PC: variants seen among roughly 807,000 people sequenced by gnomAD.
The protein encoded by PC is pyruvate carboxylase, also known as pyruvate carboxylase, mitochondrial.
In PC, 46 loss-of-function variants were observed where a neutral mutation model predicts 107.8. The observed-to-expected ratio is 0.43, with a 90% CI of 0.34 to 0.55. The LOEUF (loss-of-function observed/expected upper bound fraction) is 0.55. PC is among the 20% of genes least tolerant of loss of function. The probability of loss-of-function intolerance (pLI) is 0.04; values close to 1 mark genes in which losing one functional copy is unlikely to be tolerated. For synonymous variants in PC, 662 were observed against 684.7 expected, an observed-to-expected ratio of 0.97 and a Z score of 0.52; for missense variants, 1,241 against 1,643.1, an observed-to-expected ratio of 0.76 and a Z score of 4.23.
At chr11:66,948,610 C>A (rs1036423985) in intron 3 of PC, among the ~76,000 whole-genome samples, 6 of 152,272 alleles carry the variant, frequency 3.9e-5, no homozygotes, top group African/African-American at 1.4e-4. Flanking sequence ...GAGGCCAAGG[C>A]GGGCTGATTG....
intron 9 of PC, among the ~76,000 whole-genome samples, chr11:66,869,699 G>C (rs986840783): frequency 6.6e-6 from 1 of 152,172 alleles, no homozygotes; most frequent in African/African-American, 2.4e-5. Flanking sequence ...TATAGGCCAG[G>C]GAAGAAGAGG....
chr11:66,876,598 G>A (rs765726517), intron 3 of PC, among the ~76,000 whole-genome samples: 7 of 152,202 alleles, frequency 4.6e-5, no homozygotes, highest in Admixed American at 1.3e-4. Context: ...CAGGATGAAC[G>A]TCAGACGTTA....
At chr11:66,940,422 T>C (rs897853343) in intron 3 of PC, among the ~76,000 whole-genome samples, 1 of 152,086 alleles carries the variant, frequency 6.6e-6, no homozygotes, top group African/African-American at 2.4e-5. Context: ...GTGCAGTGGC[T>C]CATGTCTGTA....
chr11:66,941,514 CAG>C (rs1266493366), intron 3 of PC, among the ~76,000 whole-genome samples: 2 of 151,870 alleles, frequency 1.3e-5, no homozygotes, highest in African/African-American at 2.4e-5. Context: ...TTTTTTGAGG[CAG>C]AGTCTTGCTC....
At chr11:66,938,910 T>G (rs1220183069) in intron 3 of PC, among the ~76,000 whole-genome samples, 2 of 152,372 alleles carry the variant, frequency 1.3e-5, no homozygotes, top group East Asian at 3.9e-4. Flanking sequence ...TTTGCACGCC[T>G]GTCCCATGAT....
intron 3 of PC, among the ~76,000 whole-genome samples, chr11:66,912,744 A>G (rs1948365465): frequency 6.6e-6 from 1 of 152,168 alleles, no homozygotes; most frequent in Non-Finnish European, 1.5e-5. Flanking sequence ...TGGTTGGGGA[A>G]GGAGGGCAAG....
chr11:66,884,674 C>A (rs530561728), intron 3 of PC, among the ~76,000 whole-genome samples: 2 of 152,304 alleles, frequency 1.3e-5, no homozygotes, highest in South Asian at 4.1e-4. Context: ...TATGTTGAAA[C>A]CTTGATCTTG....
chr11:66,938,038 T>C (rs920247571), intron 3 of PC, among the ~76,000 whole-genome samples: 2 of 152,056 alleles, frequency 1.3e-5, no homozygotes, highest in East Asian at 3.9e-4. Flanking sequence ...GGCCTCCCTC[T>C]ATTTGGTGAG....
intron 3 of PC, among the ~76,000 whole-genome samples, chr11:66,928,159 G>A (rs1165598148): frequency 6.6e-6 from 1 of 152,020 alleles, no homozygotes; most frequent in Non-Finnish European, 1.5e-5. Context: ...GCCTAAGGCG[G>A]GCGGATCACA....
At chr11:66,888,301 G>C (rs1482119750) in intron 3 of PC, among the ~76,000 whole-genome samples, 1 of 152,224 alleles carries the variant, frequency 6.6e-6, no homozygotes, top group Non-Finnish European at 1.5e-5. Flanking sequence ...TCCCAAGCTG[G>C]AGTCCTCTAT....
At chr11:66,920,776 G>A (rs970310134) in intron 3 of PC, among the ~76,000 whole-genome samples, 6 of 151,848 alleles carry the variant, frequency 4.0e-5, no homozygotes, top group African/African-American at 1.5e-4. Context: ...TGGGCGTGGT[G>A]GCTCACGCCT....
chr11:66,898,378 C>A (rs949151937), intron 3 of PC, among the ~76,000 whole-genome samples: 4 of 152,174 alleles, frequency 2.6e-5, no homozygotes, highest in Non-Finnish European at 5.9e-5. Context: ...ATAGATGAGA[C>A]ACATAAAGTG....
chr11:66,951,266 G>A (rs1949429330), intron 3 of PC, among the ~76,000 whole-genome samples: 1 of 152,238 alleles, frequency 6.6e-6, no homozygotes. Flanking sequence ...CGGGCCTGAA[G>A]GGAAGAGCAT....
At chr11:66,953,754 CT>C (rs1176677675) in intron 2 of PC, among the ~76,000 whole-genome samples, 1 of 152,130 alleles carries the variant, frequency 6.6e-6, no homozygotes, top group Non-Finnish European at 1.5e-5. Context: ...TTGTTAGGGG[CT>C]GGTTAAAAGA....
chr11:66,881,556 G>A (rs1379909144), intron 3 of PC, among the ~76,000 whole-genome samples: 3 of 152,226 alleles, frequency 2.0e-5, no homozygotes, highest in Non-Finnish European at 4.4e-5. Flanking sequence ...CACCTGCCCC[G>A]CTCCTGACAG....
In PC at chr11:66,852,746, C is replaced by T. The variant is rs1175893622; in HGVS notation, c.1603+1G>A. The T allele has an allele frequency of 6.2e-7, 1 of 1,609,966 alleles. No individual in the cohort carries two copies. The highest frequency in any genetic ancestry group is 1.7e-5 in the Admixed American group (1 of 59,808). ...GAGTTGACAGAATGGATCTCACCTA[C>T]CTATGGGCACTGCAGGGACAACGGG... On this transcript the variant is annotated splice_donor_variant, in intron 14 of 22. Coordinates refer to ENST00000393960, the MANE Select transcript of PC (RefSeq NM_001040716.2). LOFTEE classifies it high-confidence loss of function. The surrounding 1 kb of genome is among the most constrained non-coding windows in gnomAD (Gnocchi z 4.7).
At chr11:66,906,747 G>A (rs946666696) in intron 3 of PC, among the ~76,000 whole-genome samples, 2 of 152,080 alleles carry the variant, frequency 1.3e-5, no homozygotes, top group African/African-American at 2.4e-5. Context: ...AAGAACAAGA[G>A]GCCATTTGGA....
chr11:66,892,465 A>G (rs1947612670), intron 3 of PC, among the ~76,000 whole-genome samples: 1 of 152,218 alleles, frequency 6.6e-6, no homozygotes, highest in African/African-American at 2.4e-5. Flanking sequence ...AAGACTTCCT[A>G]CTGACATCCA....
At chr11:66,856,062 G>C (rs1339165099) in intron 12 of PC, among the ~76,000 whole-genome samples, 1 of 152,240 alleles carries the variant, frequency 6.6e-6, no homozygotes. Context: ...ACTGGTGGTG[G>C]CGGGCACAGC....
Sources: gnomAD v4.1 joint callset for allele counts (sites outside exome capture counted in the v4.1 genomes callset) on GRCh38, gnomAD v4.1.1 for gene constraint, Gnocchi (gnomAD v3.1) non-coding constraint, MANE v1.5 for transcripts, NCBI Gene and HGNC (gene_info 2026-07-23, HGNC 2026-07-21) for gene names.